Variants in ZGRF1 observed in about 807,000 individuals in gnomAD.
ZGRF1 encodes the protein zinc finger GRF-type containing 1, also known as 5'-3' DNA helicase ZGRF1.
A neutral mutation model predicts 203.5 loss-of-function variants in ZGRF1; 196 were observed. The observed-to-expected ratio is 0.96, with a 90% CI of 0.86 to 1.08. ZGRF1 has a LOEUF of 1.08. Ranked by LOEUF, ZGRF1 falls within the 50% of genes least tolerant of loss-of-function variation. The probability of loss-of-function intolerance (pLI) is 0.00; values close to 1 mark genes in which losing one functional copy is unlikely to be tolerated. For synonymous variants in ZGRF1, 809 were observed against 841.3 expected (o/e 0.96, Z 0.66); for missense variants, 2,326 against 2,416.3 (o/e 0.96, Z 0.78).
intron 24 of ZGRF1, among the ~76,000 whole-genome samples, chr4:112,542,805 TTTC>T (rs1482769360): frequency 1.3e-5 from 2 of 151,842 alleles, no homozygotes; most frequent in East Asian, 1.9e-4. Context: ...TCTTTTTTCT[TTTC>T]TTTTCTTTTT....
rs1362666650 is a variant in ZGRF1 at position 112,578,756 on chromosome 4, C to A, written c.4438+2907G>T. Among the ~76,000 whole-genome samples the A allele has an allele frequency of 1.6e-5, 2 of 122,772 alleles. 1 individual carries two copies. The highest frequency in any genetic ancestry group is 3.6e-5 in the Non-Finnish European group (2 of 54,896). The allele number at this position is 122,772 out of a possible 152,430, so 80.5% of individuals were successfully genotyped here. A position where few individuals can be genotyped will look rare whatever the true frequency, so the allele number is the denominator to read the frequency against. On this transcript the variant is annotated intron_variant, in intron 16 of 27. Transcript: ENST00000505019. ...AATCTCTGAATAGACCAATAACAGG[C>A]TCTGAAATTGAGGCAATCATTAATA...
chr4:112,596,264 C>T (rs1433843488), intron 10 of ZGRF1, among the ~76,000 whole-genome samples: 3 of 152,002 alleles, frequency 2.0e-5, no homozygotes, highest in Non-Finnish European at 4.4e-5. Context: ...ATAGACTTGG[C>T]AATATCAAGA....
Position 112,589,721 on chromosome 4 carries a change from T to C in ZGRF1, c.3127+3A>G, listed in dbSNP as rs370043285. On this transcript the variant is annotated splice_donor_region_variant and intron_variant, in intron 11 of 27. Coordinates refer to ENST00000505019, the MANE Select transcript of ZGRF1 (RefSeq NM_018392.5). ...GATATTAGAGCAATGTGGTAACGAC[T>C]ACCCTCCAAGTTGAGAAAATGAAGA... 2.5e-6 allele frequency: 4 copies of C among 1,613,382 alleles called. No homozygotes were observed. The highest frequency in any genetic ancestry group is 1.3e-5 in the African/African-American group (1 of 74,928).
At chr4:112,622,093 T>C (rs1013145193) in intron 4 of ZGRF1, among the ~76,000 whole-genome samples, 1 of 152,286 alleles carries the variant, frequency 6.6e-6, no homozygotes, top group Middle Eastern at 3.4e-3. Flanking sequence ...AAGATACTGA[T>C]TCTCCTAGAC....
At chr4:112,636,042 T>C (rs949598602) in intron 1 of ZGRF1, among the ~76,000 whole-genome samples, 3 of 152,186 alleles carry the variant, frequency 2.0e-5, no homozygotes, top group African/African-American at 7.2e-5. Flanking sequence ...GTCAACACCC[T>C]TTCTTATCTT....
intron 22 of ZGRF1, among the ~76,000 whole-genome samples, chr4:112,553,631 C>A (rs944421729): frequency 6.6e-6 from 1 of 152,166 alleles, no homozygotes; most frequent in South Asian, 2.1e-4. Context: ...GATCTATTCA[C>A]GAATTTGAAG....
In ZGRF1 at chr4:112,635,321, T is replaced by C. The variant is rs149472475; in HGVS notation, c.-67+1530A>G. The stretch of plus-strand genomic sequence containing the variant: ...CACAGTGCTGGGCATGTGGCAATTA[T>C]TAATATCAGATCTGTTTAATAGCTA... On this transcript the variant is annotated intron_variant, in intron 1 of 27. Transcript: ENST00000505019. Among the ~76,000 whole-genome samples the C allele has an allele frequency of 5.9e-3, 890 of 152,070 alleles. 16 individuals are homozygous for C. Among genetic ancestry groups the C allele is most frequent in the African/African-American group, 0.019 (797 of 41,452 alleles).
intron 16 of ZGRF1, 104 bp downstream of exon 16, chr4:112,581,559 T>C (rs1183268934): frequency 1.2e-5 from 7 of 586,004 alleles, no homozygotes; most frequent in South Asian, 5.1e-5. Context: ...AATTATACTT[T>C]TAAAATTTAA....
Position 112,619,276 on chromosome 4 carries a change from A to G in ZGRF1, c.766T>C (p.Leu256=), listed in dbSNP as rs761112617. ...GATGATTCGGACTTCAGAAGAGCTAATATCTGTGCTTTGCTTCTGATGTTT... is the reference window on the plus strand; with the variant it reads ...GATGATTCGGACTTCAGAAGAGCTAGTATCTGTGCTTTGCTTCTGATGTTT... The part of the protein sequence containing the change: ...SQNIRSKAQI[L]ALLKSESSSS... The change falls in exon 6 of 28, where the codon TTA becomes CTA. Residue 256 remains leucine, a synonymous_variant. Transcript: ENST00000505019. 17 of 1,613,220 alleles carry G rather than the reference A, an allele frequency of 1.1e-5. No homozygotes were observed. In the African/African-American group the frequency reaches 1.9e-4, roughly 18 times the overall value.
chr4:112,575,786 G>C (rs971330398), intron 16 of ZGRF1, among the ~76,000 whole-genome samples: 2 of 152,140 alleles, frequency 1.3e-5, no homozygotes, highest in African/African-American at 4.8e-5. Context: ...CAGGAAGCTC[G>C]AACTGGGTGG....
In ZGRF1 at chr4:112,596,347, G is replaced by A. The variant is rs187235183; in HGVS notation, c.2977-6473C>T. Among the ~76,000 whole-genome samples the A allele has an allele frequency of 9.9e-5, 15 of 152,280 alleles. 1 individual carries two copies. The highest frequency in any genetic ancestry group is 4.6e-4 in the Admixed American group (7 of 15,290). On this transcript the variant is annotated intron_variant, in intron 10 of 27. Coordinates refer to ENST00000505019, the MANE Select transcript of ZGRF1 (RefSeq NM_018392.5). Reference sequence around the variant, plus strand: ...CTGATTTGCCCCAATAACCATGGAAGGGCTCAGAAACTGAAGGCCACAGGT... The same window carrying A: ...CTGATTTGCCCCAATAACCATGGAAAGGCTCAGAAACTGAAGGCCACAGGT...
Position 112,587,368 on chromosome 4 carries a change from A to G in ZGRF1, c.3689T>C (p.Leu1230Pro). 1 of 1,613,842 alleles carries G rather than the reference A, an allele frequency of 6.2e-7. No homozygotes were observed. Among genetic ancestry groups the G allele is most frequent in the South Asian group, 1.1e-5 (1 of 91,078 alleles). The change falls in exon 12 of 28, where the codon CTG becomes CCG. Residue 1230 changes from leucine to proline, a missense_variant. Coordinates refer to ENST00000505019, the MANE Select transcript of ZGRF1 (RefSeq NM_018392.5). ...TGTCTTAGAAGTCTGCTTTAAATTC[A>G]GAGAAAGTACTTTCTTTCTGGAAAC... ...DSVSRKKVLS[L>P]NLKQTSKTEE...
intron 6 of ZGRF1, among the ~76,000 whole-genome samples, chr4:112,613,618 A>AG (rs1451733359): frequency 6.6e-6 from 1 of 152,236 alleles, no homozygotes; most frequent in Non-Finnish European, 1.5e-5. Flanking sequence ...AGTAACATTT[A>AG]AGTTGAGATG....
chr4:112,585,620 T>C lies in ZGRF1; in HGVS notation c.4022A>G (p.Asn1341Ser). Residue 1341 changes from asparagine (N) to serine (S), a missense_variant, in exon 14 of 28, where the codon AAC becomes AGC. Coordinates refer to ENST00000505019, the MANE Select transcript of ZGRF1 (RefSeq NM_018392.5). ...GCAGGATGGTACATTATTTTCTGCG[T>C]TTTTCAGTTTCTCTCCCTTCAATGA... is the stretch of plus-strand genomic sequence containing the variant. ...YTSLKGEKLKNAENNVPSCHH... is the reference protein window; with the variant it reads ...YTSLKGEKLKSAENNVPSCHH... 6.2e-7 allele frequency: 1 copy of C among 1,612,258 alleles called. No individual in the cohort carries two copies. Among genetic ancestry groups the C allele is most frequent in the Non-Finnish European group, 8.5e-7 (1 of 1,179,246 alleles).
At chr4:112,576,944 C>CTGT (rs1745346835) in intron 16 of ZGRF1, among the ~76,000 whole-genome samples, 2 of 151,814 alleles carry the variant, frequency 1.3e-5, no homozygotes, top group Non-Finnish European at 2.9e-5. Context: ...AAACATACTC[C>CTGT]TCAAGAACAG....
At chr4:112,605,814 TAGAG>T (rs1750685368) in intron 9 of ZGRF1, 190 bp downstream of exon 9, 1 of 550,792 alleles carries the variant, frequency 1.8e-6, no homozygotes, top group African/African-American at 1.9e-5. Flanking sequence ...ATTAGTAGTA[TAGAG>T]AAAGTTTAAG....
chr4:112,591,422 C>T (rs887259224), intron 10 of ZGRF1, among the ~76,000 whole-genome samples: 2 of 152,176 alleles, frequency 1.3e-5, no homozygotes, highest in African/African-American at 4.8e-5. Flanking sequence ...TCTCCAGAAA[C>T]TTGCCAGAGT....
At chr4:112,561,510 T>A in intron 18 of ZGRF1, 1 of 152,822 alleles carries the variant, frequency 6.5e-6, no homozygotes, top group East Asian at 1.9e-4. Flanking sequence ...TCAAAGGATA[T>A]TTATTTTTTT....
At chr4:112,593,871 G>A (rs573222825) in intron 10 of ZGRF1, among the ~76,000 whole-genome samples, 2 of 151,554 alleles carry the variant, frequency 1.3e-5, no homozygotes, top group East Asian at 1.9e-4. Context: ...TCAATTGATC[G>A]TCCCACCCCC....
Sources: gnomAD v4.1 joint callset for allele counts (sites outside exome capture counted in the v4.1 genomes callset) on GRCh38, gnomAD v4.1.1 for gene constraint, MANE v1.5 for transcripts, NCBI Gene and HGNC (gene_info 2026-07-23, HGNC 2026-07-21) for gene names.